Variants in DLEU7 observed in about 807,000 individuals in gnomAD.
The protein encoded by DLEU7 is leukemia-associated protein 7.
Under a neutral mutation model 16.0 loss-of-function variants are expected in DLEU7, and 17 were observed. That is an observed-to-expected ratio of 1.06 (90% CI 0.73 to 1.59). DLEU7 has a LOEUF of 1.59. DLEU7 is among the 40% of genes most tolerant of loss of function. The pLI is 0.00. For synonymous variants in DLEU7, 113 were observed against 139.8 expected, an observed-to-expected ratio of 0.81 and a Z score of 1.35; for missense variants, 308 against 314.9, an observed-to-expected ratio of 0.98 and a Z score of 0.17.
rs566756814 is a variant in DLEU7, at chr13:50,732,050, G to A, written c.460-18810C>T. ...ATGAAACAATCTGTTCACATGTGTC[G>A]TGTGCATCTTGGCTGTCAGCAACTT... On this transcript the variant is annotated intron_variant, in intron 1 of 1. Transcript: ENST00000400393. Among the ~76,000 whole-genome samples the A allele has an allele frequency of 7.1e-4, 108 of 152,208 alleles. 1 individual carries two copies. The South Asian group carries it at 0.012, about 18-fold the overall frequency.
rs370749466 is a variant in DLEU7 at position 50,740,873 on chromosome 13, C to T, written c.460-27633G>A. On this transcript the variant is annotated intron_variant, in intron 1 of 1. Transcript: ENST00000400393. ...GCTTATAAGTGAAAAGCCTTCTGTA[C>T]GCCACACTTTTCTTTTCCATTATCC... Among the ~76,000 whole-genome samples, 31 of 152,206 alleles carry T rather than the reference C, an allele frequency of 2.0e-4. 1 individual carries two copies. The highest frequency in any genetic ancestry group is 1.1e-3 in the Admixed American group (17 of 15,284).
intron 1 of DLEU7, among the ~76,000 whole-genome samples, chr13:50,761,613 A>C (rs1874933116): frequency 6.6e-6 from 1 of 152,060 alleles, no homozygotes; most frequent in Admixed American, 6.5e-5. Flanking sequence ...TTCACAAGGA[A>C]AGGAGAGATG....
In DLEU7 at chr13:50,843,454, GCCCGGGCCCCGGCCGGGCC is replaced by G; in HGVS notation, c.174_192del (p.Pro61SerfsTer24). The G allele has an allele frequency of 2.3e-6, 3 of 1,318,898 alleles. No homozygotes were observed. Among genetic ancestry groups the G allele is most frequent in the Non-Finnish European group, 2.9e-6 (3 of 1,041,548 alleles). 81.7% of individuals were successfully genotyped at this position (1,318,898 alleles called of 1,614,324 possible). On this transcript the variant is annotated frameshift_variant, in exon 1 of 2. Transcript: ENST00000504404. LOFTEE classifies it high-confidence loss of function. This position sits in a 1 kb window ranked among gnomAD's most constrained non-coding sequence, Gnocchi z 5.7. ...CCCACGCCCCCGCCCCGCTCCTCGCGCCCGGGCCCCGGCCGGGCCCGCGGCGGGCCTGAGCGACGGGCTG... is the reference window on the plus strand; with the variant it reads ...CCCACGCCCCCGCCCCGCTCCTCGCGCGCGGCGGGCCTGAGCGACGGGCTG...
At chr13:50,758,501 A>C (rs1464859674) in intron 1 of DLEU7, among the ~76,000 whole-genome samples, 1 of 152,174 alleles carries the variant, frequency 6.6e-6, no homozygotes, top group East Asian at 1.9e-4. Flanking sequence ...AGTATTTCTC[A>C]GCTGGGTGCC....
chr13:50,723,428 A>C (rs1873674609), intron 1 of DLEU7, among the ~76,000 whole-genome samples: 1 of 152,038 alleles, frequency 6.6e-6, no homozygotes, highest in African/African-American at 2.4e-5. Context: ...ACACACACAC[A>C]CACACACACA....
chr13:50,811,155 C>T (rs543171518), intron 1 of DLEU7, among the ~76,000 whole-genome samples: 47 of 152,270 alleles, frequency 3.1e-4, no homozygotes, highest in African/African-American at 1.1e-3. Context: ...AAAACTGCAA[C>T]TTATTGCTCT....
At chr13:50,734,039 G>A (rs1000995593) in intron 1 of DLEU7, among the ~76,000 whole-genome samples, 2 of 152,158 alleles carry the variant, frequency 1.3e-5, no homozygotes, top group African/African-American at 4.8e-5. Flanking sequence ...TGTGCTCAGA[G>A]GACATCAAAC....
At chr13:50,832,028 T>A (rs1299046665) in intron 1 of DLEU7, among the ~76,000 whole-genome samples, 1 of 152,326 alleles carries the variant, frequency 6.6e-6, no homozygotes, top group Non-Finnish European at 1.5e-5. Context: ...TCTCTCTTTT[T>A]CTACGATTTG....
chr13:50,771,071 T>C (rs968724499), intron 1 of DLEU7, among the ~76,000 whole-genome samples: 1 of 152,212 alleles, frequency 6.6e-6, no homozygotes, highest in African/African-American at 2.4e-5. Context: ...GTTTACAGTA[T>C]TCTCTGATGG....
chr13:50,714,554 T>G (rs74078040), intron 1 of DLEU7, among the ~76,000 whole-genome samples: 4,273 of 152,274 alleles, frequency 0.028, 192 homozygotes, highest in African/African-American at 0.097. Context: ...TCAGGAGATG[T>G]CATCTGCTAA....
intron 1 of DLEU7, among the ~76,000 whole-genome samples, chr13:50,718,579 A>G (rs987190203): frequency 1.3e-5 from 2 of 152,194 alleles, no homozygotes; most frequent in Non-Finnish European, 2.9e-5. Flanking sequence ...TGTTTTCTGA[A>G]TCAGTCATTC....
Position 50,843,323 on chromosome 13 carries a change from C to T in DLEU7, c.324G>A (p.Gly108=). The T allele has an allele frequency of 1.3e-6, 2 of 1,504,440 alleles. No individual in the cohort carries two copies. The highest frequency in any genetic ancestry group is 8.9e-7 in the Non-Finnish European group (1 of 1,127,242). The allele number at this position is 1,504,440 out of a possible 1,614,324, so 93.2% of individuals were successfully genotyped here. A position where few individuals can be genotyped will look rare whatever the true frequency, so the allele number is the denominator to read the frequency against. The change falls in exon 1 of 2, where the codon GGG becomes GGA. Residue 108 remains glycine (G), a synonymous_variant. Coordinates refer to ENST00000504404, the MANE Select transcript of DLEU7 (RefSeq NM_001306135.2). This position sits in a 1 kb window ranked among gnomAD's most constrained non-coding sequence, Gnocchi z 5.7. ...TCGCCATCTGGGCCAGGGTGCAGGG[C>T]CCGCGGTCCCGGGGGAAGGGCAGCA... ...AELLPFPRDR[G]PCTLAQMAMR...
exon 2 of DLEU7, chr13:50,712,573 G>A (rs1203624600): frequency 3.9e-5 from 6 of 152,640 alleles, no homozygotes; most frequent in Non-Finnish European, 8.8e-5. Flanking sequence ...TGAACAGTTG[G>A]TGTTTACTGG....
intron 1 of DLEU7, among the ~76,000 whole-genome samples, chr13:50,784,125 G>A (rs748065960): frequency 7.2e-5 from 11 of 152,188 alleles, no homozygotes; most frequent in Non-Finnish European, 1.0e-4. Context: ...TTAATCAAAC[G>A]TCCACTTGAA....
Position 50,843,031 on chromosome 13 carries a change from T to G in DLEU7, c.459+157A>C, listed in dbSNP as rs1877722455. 6.6e-6 allele frequency among the ~76,000 whole-genome samples: 1 copy of G among 151,648 alleles called. No homozygotes were observed. Among genetic ancestry groups the G allele is most frequent in the African/African-American group, 2.4e-5 (1 of 41,262 alleles). On this transcript the variant is annotated intron_variant, in intron 1 of 1. Transcript: ENST00000504404. This position sits in a 1 kb window ranked among gnomAD's most constrained non-coding sequence, Gnocchi z 5.7. The stretch of plus-strand genomic sequence containing the variant: ...TGCCCCTCCTGCTGAGTCCCCAGAG[T>G]GTCCCCCGCCCCCTTCCTTCTCCCA...
intron 1 of DLEU7, among the ~76,000 whole-genome samples, chr13:50,744,796 A>G (rs1874347414): frequency 6.6e-6 from 1 of 152,224 alleles, no homozygotes; most frequent in Non-Finnish European, 1.5e-5. Flanking sequence ...AGATATGCCA[A>G]GGTCCAAAAA....
At chr13:50,804,719 T>C (rs1012564756) in intron 1 of DLEU7, among the ~76,000 whole-genome samples, 1 of 152,196 alleles carries the variant, frequency 6.6e-6, no homozygotes, top group Non-Finnish European at 1.5e-5. Flanking sequence ...GTGCTGGGAT[T>C]GCAGGTAGGA....
intron 1 of DLEU7, among the ~76,000 whole-genome samples, chr13:50,721,669 TA>T (rs976405126): frequency 6.6e-6 from 1 of 151,696 alleles, no homozygotes; most frequent in African/African-American, 2.4e-5. Flanking sequence ...GGAGAACAGG[TA>T]AAAAGATCAA....
At chr13:50,730,136 T>A (rs1254659677) in intron 1 of DLEU7, among the ~76,000 whole-genome samples, 1 of 151,946 alleles carries the variant, frequency 6.6e-6, no homozygotes, top group African/African-American at 2.4e-5. Context: ...GTTGTCTTCA[T>A]GTTGAATAGG....
Sources: allele counts gnomAD v4.1 joint callset (sites outside exome capture counted in the v4.1 genomes callset), GRCh38; gene constraint gnomAD v4.1.1; non-coding constraint Gnocchi (gnomAD v3.1); transcripts MANE v1.5; gene names NCBI Gene and HGNC (gene_info 2026-07-23, HGNC 2026-07-21).